Variants in ITGBL1 observed in about 807,000 individuals in gnomAD.
ITGBL1 encodes the protein integrin subunit beta like 1, also known as integrin beta-like protein 1.
A neutral mutation model predicts 68.5 loss-of-function variants in ITGBL1; 51 were observed. The observed-to-expected ratio is 0.74, with a 90% CI of 0.59 to 0.94. The LOEUF (loss-of-function observed/expected upper bound fraction) is 0.94, where lower values mean the gene tolerates loss of function less well. Among genes scored for constraint, ITGBL1 ranks in the 40% least tolerant of loss-of-function variants. ITGBL1 has a pLI of 0.00. For missense variants in ITGBL1, 649 were observed against 647.4 expected (o/e 1.00, Z -0.03); for synonymous variants, 209 against 227.3 (o/e 0.92, Z 0.72).
intron 5 of ITGBL1, among the ~76,000 whole-genome samples, chr13:101,582,148 CTA>C (rs1276128089): frequency 6.6e-6 from 1 of 151,990 alleles, no homozygotes; most frequent in Non-Finnish European, 1.5e-5. Flanking sequence ...ATATTCAATT[CTA>C]TGATTTATTT....
intron 2 of ITGBL1, among the ~76,000 whole-genome samples, chr13:101,462,762 T>C (rs556392963): frequency 9.8e-5 from 15 of 152,290 alleles, no homozygotes; most frequent in Non-Finnish European, 7.4e-5. Flanking sequence ...TTTGTATGTT[T>C]AGTAGAGACA....
chr13:101,493,962 G>C (rs1235897613), intron 2 of ITGBL1, among the ~76,000 whole-genome samples: 2 of 152,078 alleles, frequency 1.3e-5, no homozygotes, highest in Non-Finnish European at 2.9e-5. Context: ...CTATTTCTTT[G>C]TACTTAACCC....
intron 7 of ITGBL1, among the ~76,000 whole-genome samples, chr13:101,658,963 G>A (rs1207140631): frequency 6.6e-6 from 1 of 150,776 alleles, no homozygotes; most frequent in African/African-American, 2.4e-5. Context: ...ATCAATATTT[G>A]TTAGACTACA....
chr13:101,663,412 G>C (rs2139483482), intron 7 of ITGBL1, among the ~76,000 whole-genome samples: 1 of 152,250 alleles, frequency 6.6e-6, no homozygotes, highest in East Asian at 1.9e-4. Context: ...CTGAATCTTT[G>C]AGAAGCAAAA....
At chr13:101,569,485 AC>A (rs1280825076) in intron 3 of ITGBL1, among the ~76,000 whole-genome samples, 1 of 152,132 alleles carries the variant, frequency 6.6e-6, no homozygotes, top group African/African-American at 2.4e-5. Context: ...TGGATGCAAT[AC>A]CTTTGTTCAT....
chr13:101,680,596 T>C (rs941209128), intron 7 of ITGBL1, among the ~76,000 whole-genome samples: 4 of 151,982 alleles, frequency 2.6e-5, no homozygotes, highest in Non-Finnish European at 4.4e-5. Flanking sequence ...ATGTGAGTAA[T>C]TGAACTCCAA....
chr13:101,480,694 A>C (rs2048606360), intron 2 of ITGBL1, among the ~76,000 whole-genome samples: 1 of 152,086 alleles, frequency 6.6e-6, no homozygotes, highest in African/African-American at 2.4e-5. Context: ...ATAAATTCAG[A>C]GTAAAAAATC....
chr13:101,653,386 A>G (rs928967216), intron 7 of ITGBL1, among the ~76,000 whole-genome samples: 2 of 152,178 alleles, frequency 1.3e-5, no homozygotes, highest in Non-Finnish European at 2.9e-5. Context: ...TATATTTAAG[A>G]GTAAGAAGGA....
intron 7 of ITGBL1, among the ~76,000 whole-genome samples, chr13:101,656,547 A>T (rs1014399928): frequency 5.3e-5 from 8 of 152,190 alleles, no homozygotes; most frequent in African/African-American, 1.9e-4. Flanking sequence ...ATGACTTTCT[A>T]GACAACTTAG....
At chr13:101,594,011 T>A (rs1206749398) in intron 6 of ITGBL1, among the ~76,000 whole-genome samples, 1 of 152,098 alleles carries the variant, frequency 6.6e-6, no homozygotes, top group Non-Finnish European at 1.5e-5. Flanking sequence ...AAACATCTGA[T>A]TCTACCCCAT....
At chr13:101,709,042 G>A (rs528645357) in intron 9 of ITGBL1, among the ~76,000 whole-genome samples, 21 of 152,318 alleles carry the variant, frequency 1.4e-4, no homozygotes, top group South Asian at 1.2e-3. Flanking sequence ...AGAAAACAAG[G>A]GAAAGAATTG....
At chr13:101,623,812 A>T (rs2031675625) in intron 7 of ITGBL1, among the ~76,000 whole-genome samples, 1 of 152,216 alleles carries the variant, frequency 6.6e-6, no homozygotes, top group Non-Finnish European at 1.5e-5. Context: ...AAGTAGTCTG[A>T]CTGTAGAATA....
intron 2 of ITGBL1, among the ~76,000 whole-genome samples, chr13:101,484,517 T>C (rs1180992269): frequency 3.9e-5 from 6 of 152,266 alleles, no homozygotes; most frequent in Non-Finnish European, 8.8e-5. Flanking sequence ...AACAGCAGAT[T>C]CACATCACAG....
intron 2 of ITGBL1, among the ~76,000 whole-genome samples, chr13:101,539,050 C>CTTTTTTT (rs35288585): frequency 8.0e-5 from 8 of 99,600 alleles, no homozygotes; most frequent in Admixed American, 1.2e-4. Context: ...TGTGCTGCTT[C>CTTTTTTT]TTTTTTTTTT....
chr13:101,564,875 T>C (rs2050158899), intron 2 of ITGBL1, among the ~76,000 whole-genome samples: 1 of 151,426 alleles, frequency 6.6e-6, no homozygotes, highest in Non-Finnish European at 1.5e-5. Flanking sequence ...ATAATAATAA[T>C]AAAATTTAAA....
At chr13:101,587,297 ACTT>A (rs1470586177) in intron 6 of ITGBL1, among the ~76,000 whole-genome samples, 3 of 152,194 alleles carry the variant, frequency 2.0e-5, no homozygotes, top group African/African-American at 7.2e-5. Context: ...AATTTTATTT[ACTT>A]CTTTTAATCC....
intron 7 of ITGBL1, among the ~76,000 whole-genome samples, chr13:101,673,272 G>T (rs1432265809): frequency 6.6e-6 from 1 of 152,166 alleles, no homozygotes; most frequent in Non-Finnish European, 1.5e-5. Flanking sequence ...TGTAAAAAAT[G>T]TTGCATCTGT....
intron 2 of ITGBL1, among the ~76,000 whole-genome samples, chr13:101,472,026 G>C (rs559693746): frequency 1.5e-3 from 225 of 151,822 alleles, no homozygotes; most frequent in Non-Finnish European, 2.6e-3. Flanking sequence ...CAATTACATA[G>C]TAAATTATAT....
chr13:101,625,954 C>T (rs1002802826), intron 7 of ITGBL1, among the ~76,000 whole-genome samples: 7 of 152,086 alleles, frequency 4.6e-5, no homozygotes, highest in South Asian at 2.1e-4. Context: ...TTTTAAAATG[C>T]GGTAGATTTC....
Sources: gnomAD v4.1 joint callset for allele counts (sites outside exome capture counted in the v4.1 genomes callset) on GRCh38, gnomAD v4.1.1 for gene constraint, MANE v1.5 for transcripts, NCBI Gene and HGNC (gene_info 2026-07-23, HGNC 2026-07-21) for gene names.